The following NCALD variants were observed in gnomAD, a reference collection of about 807,000 sequenced individuals.
The protein encoded by NCALD is neurocalcin-delta.
Under a neutral mutation model 18.6 loss-of-function variants are expected in NCALD, and 10 were observed. The observed-to-expected ratio is 0.54, with a 90% confidence interval of 0.33 to 0.91. NCALD has a LOEUF of 0.91. Among genes scored for constraint, NCALD ranks in the 40% least tolerant of loss-of-function variants. The probability of loss-of-function intolerance (pLI) is 0.03; values close to 1 mark genes in which losing one functional copy is unlikely to be tolerated. For missense variants in NCALD, 184 were observed against 247.6 expected, an observed-to-expected ratio of 0.74 and a Z score of 1.72; for synonymous variants, 88 against 87.4, an observed-to-expected ratio of 1.01 and a Z score of -0.04.
At chr8:101,800,819 G>C (rs558830671) in intron 4 of NCALD, among the ~76,000 whole-genome samples, 345 of 142,290 alleles carry the variant, frequency 2.4e-3, no homozygotes, top group Non-Finnish European at 4.1e-3. Flanking sequence ...AGTGAGCTAT[G>C]GTTGTGGAGG....
chr8:102,100,066 TTTAATAC>T (rs1214809681), intron 1 of NCALD, among the ~76,000 whole-genome samples: 2 of 151,996 alleles, frequency 1.3e-5, no homozygotes, highest in African/African-American at 4.8e-5. Context: ...GTCCTTTCCA[TTTAATAC>T]TCACTGAAAA....
chr8:101,783,273 T>C (rs892226977), intron 1 of NCALD, among the ~76,000 whole-genome samples: 1 of 152,174 alleles, frequency 6.6e-6, no homozygotes, highest in Non-Finnish European at 1.5e-5. Flanking sequence ...AGTTGGGGCA[T>C]TGATTTCTCT....
intron 2 of NCALD, among the ~76,000 whole-genome samples, chr8:101,925,806 A>C (rs1377586026): frequency 1.3e-5 from 2 of 152,254 alleles, no homozygotes; most frequent in African/African-American, 4.8e-5. Flanking sequence ...GAGTGAATCA[A>C]CATTATAGAC....
chr8:102,061,515 A>T (rs1823847734), intron 1 of NCALD, among the ~76,000 whole-genome samples: 1 of 152,208 alleles, frequency 6.6e-6, no homozygotes, highest in Non-Finnish European at 1.5e-5. Context: ...TAAATCTGAA[A>T]TGGGCTTTGC....
Position 101,722,200 on chromosome 8 carries a change from A to G in NCALD, c.-19-2552T>C, listed in dbSNP as rs117945871. On this transcript the variant is annotated intron_variant, in intron 1 of 3. Coordinates refer to ENST00000220931, the MANE Select transcript of NCALD (RefSeq NM_032041.3). ...AAAGCAAAATTCAACTGCAACTCAAATGGAGAACAAATGGAATTTATAAAT... is the reference window on the plus strand; with the variant it reads ...AAAGCAAAATTCAACTGCAACTCAAGTGGAGAACAAATGGAATTTATAAAT... Among the ~76,000 whole-genome samples the G allele has an allele frequency of 3.8e-3, 577 of 152,308 alleles. 5 individuals are homozygous for G. In the East Asian group the frequency reaches 0.056, roughly 15 times the overall value.
chr8:102,068,787 A>G (rs1171372396), intron 1 of NCALD, among the ~76,000 whole-genome samples: 1 of 152,222 alleles, frequency 6.6e-6, no homozygotes, highest in African/African-American at 2.4e-5. Context: ...TGCTCAATAA[A>G]TATTTGCACA....
intron 4 of NCALD, among the ~76,000 whole-genome samples, chr8:101,875,819 A>T (rs2050392044): frequency 6.6e-6 from 1 of 152,162 alleles, no homozygotes; most frequent in African/African-American, 2.4e-5. Context: ...TCAAATCCCT[A>T]AAGAACCTCC....
At chr8:101,983,042 T>TA in intron 2 of NCALD, among the ~76,000 whole-genome samples, 1 of 152,012 alleles carries the variant, frequency 6.6e-6, no homozygotes. Context: ...AAAGAAGAAA[T>TA]AAGCCACAGT....
At chr8:102,079,066 G>A (rs142333867) in intron 1 of NCALD, among the ~76,000 whole-genome samples, 5 of 152,200 alleles carry the variant, frequency 3.3e-5, no homozygotes, top group African/African-American at 1.2e-4. Context: ...GAAAACTCCT[G>A]CCACTGGAGA....
At chr8:101,696,202 A>T (rs1023875585) in intron 2 of NCALD, among the ~76,000 whole-genome samples, 1 of 152,074 alleles carries the variant, frequency 6.6e-6, no homozygotes, top group Non-Finnish European at 1.5e-5. Flanking sequence ...CCATCCACTC[A>T]CTCAGTCATT....
chr8:102,114,937 G>C (rs1489737153), intron 1 of NCALD, among the ~76,000 whole-genome samples: 8 of 152,210 alleles, frequency 5.3e-5, no homozygotes, highest in Admixed American at 4.6e-4. Flanking sequence ...TAAGGTGCCA[G>C]GTAGGTAAAA....
intron 3 of NCALD, among the ~76,000 whole-genome samples, chr8:101,907,963 C>T (rs1235527824): frequency 3.9e-5 from 6 of 152,102 alleles, no homozygotes; most frequent in Non-Finnish European, 7.4e-5. Flanking sequence ...GAGTAGGGCT[C>T]CCCCCATTCT....
At chr8:102,073,397 C>T (rs1316871153) in intron 1 of NCALD, among the ~76,000 whole-genome samples, 1 of 152,004 alleles carries the variant, frequency 6.6e-6, no homozygotes, top group Non-Finnish European at 1.5e-5. Flanking sequence ...TTTAAAATGA[C>T]ATTTGGAAGT....
Position 101,960,171 on chromosome 8 carries a change from T to C in NCALD, c.-156-44313A>G, listed in dbSNP as rs1413847295. On this transcript the variant is annotated intron_variant, in intron 2 of 6. Coordinates refer to the NCALD transcript ENST00000311028. The stretch of plus-strand genomic sequence containing the variant: ...CCACATTATTCGTTTCTATTTTCTA[T>C]ACATTTTCTGAGATGCACCAGAGCC... Among the ~76,000 whole-genome samples the C allele has an allele frequency of 3.3e-5, 5 of 152,160 alleles. No homozygotes were observed. The South Asian group carries it at 6.2e-4, about 19-fold the overall frequency.
intron 2 of NCALD, chr8:101,915,908 G>A (rs954205888): frequency 3.3e-5 from 5 of 152,236 alleles, no homozygotes; most frequent in South Asian, 2.1e-4. Flanking sequence ...TATCTTAAAG[G>A]AATCTTTGTC....
intron 4 of NCALD, among the ~76,000 whole-genome samples, chr8:101,829,162 AT>A (rs150811388): frequency 0.02 from 3,074 of 152,150 alleles, 110 homozygotes; most frequent in African/African-American, 0.07. Flanking sequence ...CAGTGCTAGT[AT>A]TTTTTTCACA....
intron 4 of NCALD, among the ~76,000 whole-genome samples, chr8:101,833,620 T>G (rs1443491139): frequency 6.8e-6 from 1 of 146,320 alleles, no homozygotes; most frequent in Non-Finnish European, 1.5e-5. Context: ...GTTTTTTTTT[T>G]TTTTTTTTTT....
intron 4 of NCALD, among the ~76,000 whole-genome samples, chr8:101,823,035 T>C (rs1158766684): frequency 2.0e-5 from 3 of 152,196 alleles, no homozygotes; most frequent in South Asian, 4.1e-4. Context: ...GCAAAACCCA[T>C]AAAGTACAGT....
At chr8:102,041,350 G>A (rs1033768909) in intron 1 of NCALD, among the ~76,000 whole-genome samples, 3 of 152,222 alleles carry the variant, frequency 2.0e-5, no homozygotes, top group African/African-American at 4.8e-5. Context: ...TCAAAGGCAT[G>A]TTGGTTTATT....
Sources: allele counts gnomAD v4.1 joint callset (sites outside exome capture counted in the v4.1 genomes callset), GRCh38; gene constraint gnomAD v4.1.1; transcripts MANE v1.5; gene names NCBI Gene and HGNC (gene_info 2026-07-23, HGNC 2026-07-21).